APP: variants seen among roughly 807,000 people sequenced by gnomAD.
The protein encoded by APP is amyloid beta precursor protein.
In APP, 31 loss-of-function variants were observed where a neutral mutation model predicts 101.4. The observed-to-expected ratio is 0.31, with a 90% CI of 0.23 to 0.41. APP has a LOEUF of 0.41. Among genes scored for constraint, APP ranks in the 10% least tolerant of loss-of-function variants. APP has a pLI of 1.00. For synonymous variants in APP, 366 were observed against 364.4 expected (o/e 1.00, Z -0.05); for missense variants, 839 against 1,003.7 (o/e 0.84, Z 2.22).
intron 13 of APP, among the ~76,000 whole-genome samples, chr21:25,947,246 C>A (rs2040862853): frequency 6.6e-6 from 1 of 152,166 alleles, no homozygotes; most frequent in African/African-American, 2.4e-5. Context: ...AGAGAGCTTA[C>A]CTAATATCAC....
chr21:26,161,875 G>A (rs977582556), intron 1 of APP, among the ~76,000 whole-genome samples: 6 of 151,902 alleles, frequency 3.9e-5, no homozygotes, highest in Non-Finnish European at 7.4e-5. Context: ...CAAAAACTTT[G>A]CATCGGTTTT....
intron 16 of APP, 139 bp from the exon 17 acceptor site, chr21:25,892,007 C>A: frequency 1.4e-6 from 1 of 710,930 alleles, no homozygotes; most frequent in Non-Finnish European, 2.3e-6. Context: ...TCAGTATATT[C>A]TCTGCCCAAC....
At chr21:25,909,399 T>C (rs572819294) in intron 14 of APP, among the ~76,000 whole-genome samples, 5 of 152,336 alleles carry the variant, frequency 3.3e-5, no homozygotes, top group Admixed American at 6.5e-5. Flanking sequence ...GCAAGTTCTA[T>C]TGCCTCCCAA....
At chr21:25,905,580 T>C (rs1163407520) in intron 14 of APP, among the ~76,000 whole-genome samples, 2 of 152,224 alleles carry the variant, frequency 1.3e-5, no homozygotes, top group Non-Finnish European at 2.9e-5. Flanking sequence ...TACTATATAA[T>C]CTGCCATTTA....
chr21:25,925,213 G>A (rs560040838), intron 13 of APP, among the ~76,000 whole-genome samples: 24 of 190 alleles, frequency 0.13, no homozygotes. Flanking sequence ...CCACACCAGG[G>A]CTATGAGAAA....
intron 1 of APP, among the ~76,000 whole-genome samples, chr21:26,166,798 T>C (rs2063620765): frequency 6.6e-6 from 1 of 152,064 alleles, no homozygotes; most frequent in South Asian, 2.1e-4. Context: ...CCCTTACCTT[T>C]GACCTCTCAA....
intron 5 of APP, among the ~76,000 whole-genome samples, chr21:26,043,211 G>A (rs1023027119): frequency 6.6e-6 from 1 of 151,642 alleles, no homozygotes; most frequent in African/African-American, 2.4e-5. Flanking sequence ...TGTCTAGAAT[G>A]ATATTCCTTA....
At chr21:26,123,325 A>G (rs951763116) in intron 1 of APP, among the ~76,000 whole-genome samples, 1 of 152,224 alleles carries the variant, frequency 6.6e-6, no homozygotes, top group Non-Finnish European at 1.5e-5. Flanking sequence ...CATAATAGAA[A>G]TTCAGTGAGA....
chr21:26,159,086 A>AT (rs879450285), intron 1 of APP, among the ~76,000 whole-genome samples: 3,292 of 147,114 alleles, frequency 0.022, 105 homozygotes, highest in African/African-American at 0.07. Flanking sequence ...AAGATAGTAA[A>AT]TTTTTTTTTT....
intron 13 of APP, among the ~76,000 whole-genome samples, chr21:25,921,516 A>C (rs1171270496): frequency 6.7e-6 from 1 of 149,148 alleles, no homozygotes; most frequent in Non-Finnish European, 1.5e-5. Flanking sequence ...AGAATCAAAT[A>C]GACACGATAA....
chr21:25,999,919 C>G (rs752385112), intron 7 of APP, 96 bp downstream of exon 7: 1 of 1,401,604 alleles, frequency 7.1e-7, no homozygotes, highest in Non-Finnish European at 9.9e-7. Context: ...GCAACAGGCC[C>G]ATTCCCAAGA....
At chr21:26,048,581 T>C (rs563270834) in intron 5 of APP, among the ~76,000 whole-genome samples, 1 of 152,314 alleles carries the variant, frequency 6.6e-6, no homozygotes, top group African/African-American at 2.4e-5. Context: ...ATTTAAAATA[T>C]ACAATTTACT....
At chr21:26,163,622 C>T (rs1014020911) in intron 1 of APP, among the ~76,000 whole-genome samples, 1 of 152,208 alleles carries the variant, frequency 6.6e-6, no homozygotes, top group African/African-American at 2.4e-5. Flanking sequence ...TGTCATTACA[C>T]ATCCTCGTAT....
chr21:25,883,223 T>C (rs929027020), intron 17 of APP, among the ~76,000 whole-genome samples: 27 of 152,192 alleles, frequency 1.8e-4, no homozygotes, highest in African/African-American at 6.0e-4. Context: ...GCCAACATGG[T>C]GAAACCTTGT....
chr21:26,126,924 A>G (rs2062696680), intron 1 of APP, among the ~76,000 whole-genome samples: 2 of 152,132 alleles, frequency 1.3e-5, no homozygotes, highest in South Asian at 4.1e-4. Context: ...CATATAAAAC[A>G]ATAACTATGT....
chr21:26,105,401 T>C (rs976370315), intron 2 of APP, among the ~76,000 whole-genome samples: 1 of 152,070 alleles, frequency 6.6e-6, no homozygotes, highest in Non-Finnish European at 1.5e-5. Context: ...TTTGAAAATA[T>C]AAAAATAATA....
chr21:26,042,168 CA>C (rs2045401475), intron 5 of APP, among the ~76,000 whole-genome samples: 1 of 152,090 alleles, frequency 6.6e-6, no homozygotes, highest in South Asian at 2.1e-4. Context: ...TCTCAAAATG[CA>C]ATGCAGAAAG....
At chr21:25,969,802 G>C (rs887350907) in intron 11 of APP, among the ~76,000 whole-genome samples, 17 of 136,122 alleles carry the variant, frequency 1.2e-4, no homozygotes, top group African/African-American at 4.8e-4. Flanking sequence ...CTGGACCACT[G>C]CATGCCAGCC....
Position 26,025,762 on chromosome 21 carries a change from A to G in APP, c.663-3720T>C, listed in dbSNP as rs71317449. 8.9e-3 allele frequency among the ~76,000 whole-genome samples: 1,349 copies of G among 152,348 alleles called. 17 individuals are homozygous for G. The highest frequency in any genetic ancestry group is 0.02 in the Middle Eastern group (6 of 294). The stretch of plus-strand genomic sequence containing the variant: ...ACGGAGACACGTAATAAATAGTTCA[A>G]CCGGCTAAGGAATTAAATTACTTGG... On this transcript the variant is annotated intron_variant, in intron 5 of 17. Transcript: ENST00000346798.
Sources: gnomAD v4.1 joint callset for allele counts (sites outside exome capture counted in the v4.1 genomes callset) on GRCh38, gnomAD v4.1.1 for gene constraint, MANE v1.5 for transcripts, NCBI Gene and HGNC (gene_info 2026-07-23, HGNC 2026-07-21) for gene names.